Variants in ECPAS observed in about 807,000 individuals in gnomAD.
ECPAS encodes the protein proteasome adapter and scaffold protein ECM29.
Under a neutral mutation model 255.1 loss-of-function variants are expected in ECPAS, and 70 were observed. That is an observed-to-expected ratio of 0.27 (90% CI 0.23 to 0.33). The LOEUF (loss-of-function observed/expected upper bound fraction) is 0.33, where lower values mean the gene tolerates loss of function less well. ECPAS is among the 10% of genes least tolerant of loss of function. The pLI is 1.00. For missense variants in ECPAS, 1,817 were observed against 2,206.4 expected, an observed-to-expected ratio of 0.82 and a Z score of 3.54; for synonymous variants, 784 against 775.0, an observed-to-expected ratio of 1.01 and a Z score of -0.19.
intron 2 of ECPAS, among the ~76,000 whole-genome samples, chr9:111,466,512 G>T (rs1264438940): frequency 6.6e-6 from 1 of 151,874 alleles, no homozygotes; most frequent in Non-Finnish European, 1.5e-5. Flanking sequence ...AAAACCCTGA[G>T]AATCTTAAAA....
intron 15 of ECPAS, 123 bp downstream of exon 15, chr9:111,421,798 C>T: frequency 8.7e-7 from 1 of 1,154,806 alleles, no homozygotes; most frequent in East Asian, 2.6e-5. Flanking sequence ...AAAAATAGAT[C>T]CTAAATCACA....
chr9:111,466,889 C>T (rs118145043), intron 2 of ECPAS, among the ~76,000 whole-genome samples: 4,870 of 152,264 alleles, frequency 0.032, 132 homozygotes, highest in East Asian at 0.084. Flanking sequence ...GGATTACAGG[C>T]GTGAGCCACC....
intron 49 of ECPAS, among the ~76,000 whole-genome samples, chr9:111,363,212 A>C (rs769590576): frequency 3.8e-4 from 57 of 151,204 alleles, no homozygotes; most frequent in Admixed American, 2.8e-3. Context: ...ACTCAGGTAG[A>C]TAACTGTTAA....
At chr9:111,449,622 A>T (rs1564553463) in intron 3 of ECPAS, among the ~76,000 whole-genome samples, 1 of 152,214 alleles carries the variant, frequency 6.6e-6, no homozygotes, top group East Asian at 1.9e-4. Context: ...AACAAAAAAA[A>T]ATCTAAGATA....
At chr9:111,442,785 C>G (rs961567838) in intron 4 of ECPAS, among the ~76,000 whole-genome samples, 1 of 152,132 alleles carries the variant, frequency 6.6e-6, no homozygotes, top group Non-Finnish European at 1.5e-5. Flanking sequence ...TCCTTACAAG[C>G]TAGGAGGAGA....
intron 34 of ECPAS, 22 bp from the exon 35 acceptor site, chr9:111,383,354 C>T (rs1186631119): frequency 8.1e-6 from 13 of 1,597,026 alleles, no homozygotes; most frequent in South Asian, 2.2e-5. Context: ...AGAGCATGGA[C>T]GTTAGTGAAA....
chr9:111,397,358 C>CA lies in ECPAS; in HGVS notation c.2653-206dup, dbSNP rs555555401. Among the ~76,000 whole-genome samples the CA allele has an allele frequency of 2.0e-5, 3 of 152,164 alleles. No homozygotes were observed. The South Asian group carries it at 6.2e-4, about 32-fold the overall frequency. On this transcript the variant is annotated intron_variant, in intron 24 of 49. Coordinates refer to ENST00000684092, the MANE Select transcript of ECPAS (RefSeq NM_001364929.1). ...ATAAGAATCCCTTGAAGATATTTTT[C>CA]AAAGTCTTTGCTGCCCTCCTCACCC...
chr9:111,480,859 A>T (rs1589248699), intron 1 of ECPAS, among the ~76,000 whole-genome samples: 1 of 152,366 alleles, frequency 6.6e-6, no homozygotes, highest in East Asian at 1.9e-4. Context: ...ACTTTCCATT[A>T]GGTACTAGAG....
At chr9:111,473,335 A>G (rs3739705) in intron 1 of ECPAS, among the ~76,000 whole-genome samples, 10,077 of 152,294 alleles carry the variant, frequency 0.066, 470 homozygotes, top group East Asian at 0.21. Context: ...TGTTACATTA[A>G]TTAGAAGTGT....
chr9:111,377,001 G>A (rs1407762910), intron 36 of ECPAS, among the ~76,000 whole-genome samples: 1 of 152,210 alleles, frequency 6.6e-6, no homozygotes, highest in Admixed American at 6.5e-5. Flanking sequence ...ACACTATCCA[G>A]ATATGATAAG....
chr9:111,390,197 A>G (rs1463555252), intron 29 of ECPAS, 96 bp from the exon 30 acceptor site: 1 of 641,496 alleles, frequency 1.6e-6, no homozygotes, highest in African/African-American at 1.8e-5. Context: ...TACTAAAATC[A>G]AATTTTCACT....
chr9:111,412,903 C>A (rs111619396), intron 20 of ECPAS, among the ~76,000 whole-genome samples: 1 of 151,814 alleles, frequency 6.6e-6, no homozygotes, highest in Admixed American at 6.6e-5. Flanking sequence ...AAAAAAGAAC[C>A]GCAATATGTA....
intron 2 of ECPAS, among the ~76,000 whole-genome samples, chr9:111,453,927 GA>G: frequency 6.6e-6 from 1 of 151,626 alleles, no homozygotes; most frequent in South Asian, 2.1e-4. Context: ...TCCTGGGGGG[GA>G]AAAAAGGACA....
chr9:111,372,223 C>T (rs2098128231), intron 42 of ECPAS, among the ~76,000 whole-genome samples: 1 of 152,150 alleles, frequency 6.6e-6, no homozygotes, highest in African/African-American at 2.4e-5. Flanking sequence ...AGACAAAAAT[C>T]CTGAGTGCCA....
chr9:111,477,168 G>GT (rs1453630561), intron 1 of ECPAS, among the ~76,000 whole-genome samples: 2 of 151,692 alleles, frequency 1.3e-5, no homozygotes, highest in African/African-American at 4.9e-5. Flanking sequence ...GAGTGCAGTG[G>GT]TGCGTTCTCA....
chr9:111,421,804 T>C (rs2131796462), intron 15 of ECPAS, 117 bp downstream of exon 15: 4 of 1,220,106 alleles, frequency 3.3e-6, no homozygotes, highest in Non-Finnish European at 4.5e-6. Context: ...AGATCCTAAA[T>C]CACAGCCCAA....
At chr9:111,416,223 C>T in intron 18 of ECPAS, 49 bp downstream of exon 18, 6 of 1,426,494 alleles carry the variant, frequency 4.2e-6, no homozygotes, top group Non-Finnish European at 5.9e-6. Context: ...GTGGTGTGAT[C>T]TTTTTAGAAC....
chr9:111,448,803 C>A (rs2098256561), intron 3 of ECPAS, among the ~76,000 whole-genome samples: 1 of 152,090 alleles, frequency 6.6e-6, no homozygotes, highest in South Asian at 2.1e-4. Context: ...TATTTTGAAA[C>A]TAAAAACAAC....
intron 3 of ECPAS, among the ~76,000 whole-genome samples, chr9:111,447,896 C>T (rs2131942710): frequency 6.6e-6 from 1 of 152,074 alleles, no homozygotes; most frequent in East Asian, 1.9e-4. Context: ...TTTCACAGCC[C>T]CTTGAAGACA....
Sources: gnomAD v4.1 joint callset for allele counts (sites outside exome capture counted in the v4.1 genomes callset) on GRCh38, gnomAD v4.1.1 for gene constraint, MANE v1.5 for transcripts, NCBI Gene and HGNC (gene_info 2026-07-23, HGNC 2026-07-21) for gene names.